COL5A2: variants seen among roughly 807,000 people sequenced by gnomAD.
The protein encoded by COL5A2 is collagen type V alpha 2 chain, also known as collagen alpha-2(V) chain.
In COL5A2, 23 loss-of-function variants were observed where a neutral mutation model predicts 208.2. That is an observed-to-expected ratio of 0.11 (90% CI 0.08 to 0.16). The LOEUF (loss-of-function observed/expected upper bound fraction) is 0.16, where lower values mean the gene tolerates loss of function less well. COL5A2 is among the 10% of genes least tolerant of loss of function. The pLI, the probability that COL5A2 is intolerant of heterozygous loss-of-function variation, is 1.00. For missense variants in COL5A2, 1,590 were observed against 1,956.4 expected, an observed-to-expected ratio of 0.81 and a Z score of 3.53; for synonymous variants, 625 against 628.5, an observed-to-expected ratio of 0.99 and a Z score of 0.08.
chr2:189,048,223 C>T lies in COL5A2; in HGVS notation c.3187G>A (p.Ala1063Thr). 6.2e-7 allele frequency: 1 copy of T among 1,613,998 alleles called. No homozygotes were observed. Residue 1063 changes from alanine to threonine, a missense_variant, in exon 45 of 54, where the codon GCT becomes ACT. Physicochemically the swap from Ala to Thr is moderately conservative, Grantham distance 58. Transcript: ENST00000374866. ...GNDGTPGRDGAVGERGDRGDP... is the reference protein window; with the variant it reads ...GNDGTPGRDGTVGERGDRGDP... ...ATGGCTCTTACACGTTCTCCAACAG[C>T]ACCATCCCGTCCTGGGGTACCATCA...
intron 12 of COL5A2, among the ~76,000 whole-genome samples, chr2:189,082,764 C>T (rs1686563471): frequency 6.6e-6 from 1 of 152,196 alleles, no homozygotes; most frequent in South Asian, 2.1e-4. Flanking sequence ...GGCACCCTTC[C>T]TCCCCATGGA....
chr2:189,088,052 T>C (rs1289181484), intron 8 of COL5A2, among the ~76,000 whole-genome samples: 2 of 152,226 alleles, frequency 1.3e-5, no homozygotes, highest in African/African-American at 4.8e-5. Context: ...TCTTATTGCC[T>C]GAAATGCTAT....
chr2:189,198,682 G>A (rs1689035944), intron 1 of COL5A2, among the ~76,000 whole-genome samples: 2 of 151,904 alleles, frequency 1.3e-5, no homozygotes, highest in Non-Finnish European at 2.9e-5. Flanking sequence ...TAGTGAAAAT[G>A]TGAAGTTAAA....
the COL5A2 span, among the ~76,000 whole-genome samples, chr2:189,239,887 AGAAG>A: frequency 3.3e-3 from 503 of 152,272 alleles, 2 homozygotes; most frequent in African/African-American, 0.012. Context: ...TAGCATCTCC[AGAAG>A]GAACAAAGCC....
At chr2:189,127,627 C>G (rs1274744370) in intron 1 of COL5A2, among the ~76,000 whole-genome samples, 1 of 151,936 alleles carries the variant, frequency 6.6e-6, no homozygotes, top group African/African-American at 2.4e-5. Context: ...TAATATACCC[C>G]CTTCCCAAGG....
chr2:189,435,164 C>T, the COL5A2 span, among the ~76,000 whole-genome samples: 2 of 152,138 alleles, frequency 1.3e-5, no homozygotes, highest in African/African-American at 4.8e-5. Flanking sequence ...ACACCTTATA[C>T]AAAAATTCAT....
chr2:189,258,444 C>T, the COL5A2 span, among the ~76,000 whole-genome samples: 1 of 152,176 alleles, frequency 6.6e-6, no homozygotes, highest in Non-Finnish European at 1.5e-5. Flanking sequence ...AATGACCAGT[C>T]TTTTCTGAAT....
chr2:189,275,000 T>G, the COL5A2 span, among the ~76,000 whole-genome samples: 2 of 152,168 alleles, frequency 1.3e-5, no homozygotes, highest in Non-Finnish European at 2.9e-5. Flanking sequence ...GAAATTCCAC[T>G]TTTTGCTCTG....
At chr2:189,182,609 A>G (rs1396833592), upstream of COL5A2, among the ~76,000 whole-genome samples, 2 of 152,198 alleles carry the variant, frequency 1.3e-5, no homozygotes, top group Non-Finnish European at 2.9e-5. Flanking sequence ...TCTTTCTGGA[A>G]TATATGAGAA....
chr2:189,246,737 C>T, the COL5A2 span, among the ~76,000 whole-genome samples: 1 of 152,044 alleles, frequency 6.6e-6, no homozygotes, highest in Non-Finnish European at 1.5e-5. Flanking sequence ...GAGCAGGGTT[C>T]CCTTGAGAAA....
At chr2:189,380,744 A>G in the COL5A2 span, among the ~76,000 whole-genome samples, 1 of 152,126 alleles carries the variant, frequency 6.6e-6, no homozygotes, top group African/African-American at 2.4e-5. Context: ...AGCCTCAGAC[A>G]TCACACCAAC....
the COL5A2 span, among the ~76,000 whole-genome samples, chr2:189,261,510 G>A: frequency 6.6e-6 from 1 of 152,132 alleles, no homozygotes; most frequent in Non-Finnish European, 1.5e-5. Flanking sequence ...AGTTGGTCAG[G>A]AAAAATGTGA....
At position 189,075,378 on chromosome 2, in the gene COL5A2, A is replaced by G. The variant is rs75486409; in HGVS notation, c.1104+15T>C. ...GAATAAATTAATGAATTAATATGAA[A>G]ATAATATAACTCACCATTGGTCCAG... is the stretch of plus-strand genomic sequence containing the variant. On this transcript the variant is annotated intron_variant, in intron 17 of 53. Transcript: ENST00000374866. The G allele has an allele frequency of 1.6e-3, 2,522 of 1,566,624 alleles. 29 individuals are homozygous for G. The African/African-American group carries it at 0.025, about 16-fold the overall frequency.
the COL5A2 span, among the ~76,000 whole-genome samples, chr2:189,347,423 A>C: frequency 6.6e-6 from 1 of 152,194 alleles, no homozygotes; most frequent in Non-Finnish European, 1.5e-5. Flanking sequence ...TATGTTAAAA[A>C]AGGAAAAATG....
chr2:189,353,179 T>C, the COL5A2 span, among the ~76,000 whole-genome samples: 1 of 152,192 alleles, frequency 6.6e-6, no homozygotes, highest in Non-Finnish European at 1.5e-5. Flanking sequence ...CCAAGCTGTT[T>C]TGGTTGCTGT....
At chr2:189,325,406 C>T in the COL5A2 span, among the ~76,000 whole-genome samples, 1 of 151,690 alleles carries the variant, frequency 6.6e-6, no homozygotes, top group Non-Finnish European at 1.5e-5. Flanking sequence ...TGTTCCTTCT[C>T]CTCTGTTCCT....
intron 14 of COL5A2, 101 bp downstream of exon 14, chr2:189,079,877 C>G (rs1686492832): frequency 1.0e-6 from 1 of 978,632 alleles, no homozygotes; most frequent in Non-Finnish European, 1.7e-6. Context: ...GTTTGTAGCC[C>G]TCTCTCCTGC....
chr2:189,401,654 T>C, the COL5A2 span, among the ~76,000 whole-genome samples: 213 of 152,330 alleles, frequency 1.4e-3, no homozygotes, highest in African/African-American at 5.0e-3. Context: ...TCTTCCACAA[T>C]GGTTTAACTA....
At chr2:189,396,623 G>C in the COL5A2 span, among the ~76,000 whole-genome samples, 2 of 142,206 alleles carry the variant, frequency 1.4e-5, no homozygotes, top group Admixed American at 7.4e-5. Context: ...GCAGTGAGCA[G>C]AGCTCGCGCC....
Sources: gnomAD v4.1 joint callset for allele counts (sites outside exome capture counted in the v4.1 genomes callset) on GRCh38, gnomAD v4.1.1 for gene constraint, MANE v1.5 for transcripts, NCBI Gene and HGNC (gene_info 2026-07-23, HGNC 2026-07-21) for gene names.